The following FZD9 variants were observed in gnomAD, a reference collection of about 807,000 sequenced individuals.
FZD9 encodes the protein frizzled class receptor 9.
FZD9 carries 29 observed loss-of-function variants against 29.9 expected under a neutral mutation model. The observed-to-expected ratio is 0.97, with a 90% confidence interval of 0.72 to 1.32. FZD9 has a LOEUF of 1.32. Ranked by LOEUF, FZD9 falls within the 40% of genes most tolerant of loss-of-function variation. The pLI is 0.00. For synonymous variants in FZD9, 384 were observed against 393.9 expected, an observed-to-expected ratio of 0.97 and a Z score of 0.30; for missense variants, 822 against 857.8, an observed-to-expected ratio of 0.96 and a Z score of 0.52.
Position 73,434,622 on chromosome 7 carries a change from G to A in FZD9, c.615G>A (p.Val205=). 6.3e-7 allele frequency: 1 copy of A among 1,586,596 alleles called. No individual in the cohort carries two copies. The highest frequency in any genetic ancestry group is 8.5e-7 in the Non-Finnish European group (1 of 1,172,760). ...TCENPEKFQY[V]EKSRSCAPRC... ...AGAACCCCGAGAAGTTCCAGTACGT[G>A]GAGAAGAGCCGCTCGTGCGCACCGC... The change falls in exon 1 of 1, where the codon GTG becomes GTA. Residue 205 remains valine (V), a synonymous_variant. Transcript: ENST00000344575.
chr7:73,434,659 G>T lies in FZD9; in HGVS notation c.652G>T (p.Gly218Cys), dbSNP rs1175866183. ...CTCGTGCGCACCGCGCTGCGGGCCC[G>T]GCGTCGAGGTGTTCTGGTCCCGGCG... is the stretch of plus-strand genomic sequence containing the variant. ...SRSCAPRCGPGVEVFWSRRDK... is the reference protein window; with the variant it reads ...SRSCAPRCGPCVEVFWSRRDK... The change falls in exon 1 of 1, where the codon GGC becomes TGC. Residue 218 changes from glycine (G) to cysteine (C), a missense_variant. Gly to Cys is a radical substitution (Grantham distance 159). Coordinates refer to ENST00000344575, the MANE Select transcript of FZD9 (RefSeq NM_003508.3). 6.3e-7 allele frequency: 1 copy of T among 1,599,892 alleles called. No homozygotes were observed. The highest frequency in any genetic ancestry group is 1.7e-5 in the Admixed American group (1 of 59,956).
chr7:73,434,939 C>A lies in FZD9; in HGVS notation c.932C>A (p.Thr311Lys). Reference sequence around the variant, plus strand: ...GTGATCCAGGAGGGCCTGGAGAACACGGGCTGCACGCTGGTCTTCCTACTG... The same window carrying A: ...GTGATCCAGGAGGGCCTGGAGAACAAGGGCTGCACGCTGGTCTTCCTACTG... Reference protein sequence around the residue: ...LYVIQEGLENTGCTLVFLLLY... With the variant: ...LYVIQEGLENKGCTLVFLLLY... Residue 311 changes from threonine to lysine, a missense_variant, in exon 1 of 1, where the codon ACG becomes AAG. Thr to Lys is a moderately conservative substitution (Grantham distance 78, BLOSUM62 -1). Transcript: ENST00000344575. 6.2e-7 allele frequency: 1 copy of A among 1,613,968 alleles called. No individual in the cohort carries two copies. Among genetic ancestry groups the A allele is most frequent in the East Asian group, 2.2e-5 (1 of 44,882 alleles).
rs1396588010 is a variant in FZD9, at chr7:73,433,815, TGGC to T, written c.-189_-187del. ...GCGGCGGCTCCGGTGGCAGCGGCGG[TGGC>T]GGCTAGGCGGGCTCGGCGGCTCCTG... On this transcript the variant is annotated 5_prime_UTR_variant, in exon 1 of 1. Coordinates refer to ENST00000344575, the MANE Select transcript of FZD9 (RefSeq NM_003508.3). 3.3e-5 allele frequency: 9 copies of T among 268,818 alleles called. No individual in the cohort carries two copies. The Admixed American group carries it at 5.0e-4, about 15-fold the overall frequency. The allele number at this position is 268,818 out of a possible 1,614,324, so 16.7% of individuals were successfully genotyped here.
rs782689397 is a variant in FZD9 at position 73,434,167 on chromosome 7, C to A, written c.160C>A (p.Leu54Met). ...CATGTGCCGCGGCATCGGCTACAAC[C>A]TGACCCGCATGCCCAACCTGCTGGG... ...IPMCRGIGYNLTRMPNLLGHT... is the reference protein window; with the variant it reads ...IPMCRGIGYNMTRMPNLLGHT... The change falls in exon 1 of 1, where the codon CTG (leucine) becomes ATG (methionine). Residue 54 changes from leucine to methionine, a missense_variant. Coordinates refer to ENST00000344575, the MANE Select transcript of FZD9 (RefSeq NM_003508.3). The A allele has an allele frequency of 1.3e-6, 2 of 1,571,424 alleles. No homozygotes were observed. Among genetic ancestry groups the A allele is most frequent in the Non-Finnish European group, 1.7e-6 (2 of 1,166,176 alleles).
rs782459639 is a variant in FZD9, at chr7:73,434,901, G to C, written c.894G>C (p.Ala298=). Residue 298 remains alanine (A), a synonymous_variant, in exon 1 of 1, where the codon GCG becomes GCC. Transcript: ENST00000344575. The part of the protein sequence containing the change: ...GAQSVACDQE[A]GALYVIQEGL... ...AGAGCGTGGCCTGTGACCAGGAGGC[G>C]GGCGCGCTCTACGTGATCCAGGAGG... is the stretch of plus-strand genomic sequence containing the variant. 1 of 1,613,586 alleles carries C rather than the reference G, an allele frequency of 6.2e-7. No individual in the cohort carries two copies. Among genetic ancestry groups the C allele is most frequent in the African/African-American group, 1.3e-5 (1 of 74,934 alleles).
rs1787413282 is a variant in FZD9, at chr7:73,435,843, C to G, written c.*60C>G. 1 of 1,521,390 alleles carries G rather than the reference C, an allele frequency of 6.6e-7. No individual in the cohort carries two copies. Among genetic ancestry groups the G allele is most frequent in the African/African-American group, 1.4e-5 (1 of 72,028 alleles). 94.2% of individuals were successfully genotyped at this position (1,521,390 alleles called of 1,614,324 possible). On this transcript the variant is annotated 3_prime_UTR_variant, in exon 1 of 1. Transcript: ENST00000344575. ...CTCCTTGCCCTCCACGCCCTGCCCCCTGCATCCCCTAGAGACAGCTGACTA... is the reference window on the plus strand; with the variant it reads ...CTCCTTGCCCTCCACGCCCTGCCCCGTGCATCCCCTAGAGACAGCTGACTA...
chr7:73,435,490 A>G lies in FZD9; in HGVS notation c.1483A>G (p.Arg495Gly). 1 of 1,612,890 alleles carries G rather than the reference A, an allele frequency of 6.2e-7. No individual in the cohort carries two copies. Among genetic ancestry groups the G allele is most frequent in the Non-Finnish European group, 8.5e-7 (1 of 1,179,604 alleles). The stretch of plus-strand genomic sequence containing the variant: ...AGCGGCCGCGGGGCCCGGAGGCCGG[A>G]GGGACTGCTCGCTGCCAGGGGGCTC... Reference protein sequence around the residue: ...CAAAAGPGGRRDCSLPGGSVP... With the variant: ...CAAAAGPGGRGDCSLPGGSVP... The change falls in exon 1 of 1, where the codon AGG becomes GGG. Residue 495 changes from arginine (R) to glycine (G), a missense_variant. Coordinates refer to ENST00000344575, the MANE Select transcript of FZD9 (RefSeq NM_003508.3).
In FZD9 at chr7:73,434,960, T is replaced by C. The variant is rs1554563485; in HGVS notation, c.953T>C (p.Leu318Pro). The C allele has an allele frequency of 6.2e-7, 1 of 1,613,978 alleles. No individual in the cohort carries two copies. The highest frequency in any genetic ancestry group is 8.5e-7 in the Non-Finnish European group (1 of 1,180,030). The change falls in exon 1 of 1, where the codon CTA (leucine) becomes CCA (proline). Residue 318 changes from leucine to proline, a missense_variant. Transcript: ENST00000344575. ...AACACGGGCTGCACGCTGGTCTTCC[T>C]ACTGCTCTACTACTTCGGCATGGCC... is the stretch of plus-strand genomic sequence containing the variant. ...LENTGCTLVFLLLYYFGMASS... is the reference protein window; with the variant it reads ...LENTGCTLVFPLLYYFGMASS...
In FZD9 at chr7:73,435,642, A is replaced by G. The variant is rs781899512; in HGVS notation, c.1635A>G (p.Ile545Met). 2 of 1,613,094 alleles carry G rather than the reference A, an allele frequency of 1.2e-6. No homozygotes were observed. The highest frequency in any genetic ancestry group is 1.7e-6 in the Non-Finnish European group (2 of 1,179,842). ...QTWQSLCYRK[I>M]AAGRARAKAC... ...GGCAGAGCCTGTGCTACCGCAAGAT[A>G]GCAGCTGGCCGGGCCCGGGCCAAGG... The change falls in exon 1 of 1, where the codon ATA (isoleucine) becomes ATG (methionine). Residue 545 changes from isoleucine to methionine, a missense_variant. By Grantham distance (10) the Ile-to-Met change is conservative. Coordinates refer to ENST00000344575, the MANE Select transcript of FZD9 (RefSeq NM_003508.3).
chr7:73,433,960 C>T lies in FZD9; in HGVS notation c.-48C>T. The T allele has an allele frequency of 8.6e-7, 1 of 1,156,910 alleles. No individual in the cohort carries two copies. The highest frequency in any genetic ancestry group is 1.1e-6 in the Non-Finnish European group (1 of 940,186). The allele number at this position is 1,156,910 out of a possible 1,614,324, so 71.7% of individuals were successfully genotyped here. On this transcript the variant is annotated 5_prime_UTR_variant, in exon 1 of 1. Coordinates refer to ENST00000344575, the MANE Select transcript of FZD9 (RefSeq NM_003508.3). Reference sequence around the variant, plus strand: ...GCACCGGGGCGCGGGACCGCTGAGCCCGAGTGAGCCGGGGCCGCGCTCCCG... The same window carrying T: ...GCACCGGGGCGCGGGACCGCTGAGCTCGAGTGAGCCGGGGCCGCGCTCCCG...
At position 73,435,122 on chromosome 7, in the gene FZD9, T is replaced by C. The variant is rs111619218; in HGVS notation, c.1115T>C (p.Val372Ala). 1 of 1,611,584 alleles carries C rather than the reference T, an allele frequency of 6.2e-7. No homozygotes were observed. The highest frequency in any genetic ancestry group is 8.5e-7 in the Non-Finnish European group (1 of 1,178,998). ...AWGLPALKTI[V>A]ILTLRKVAGD... ...GGCCTGCCCGCGCTCAAGACCATCG[T>C]CATCCTGACCCTGCGCAAGGTGGCG... The change falls in exon 1 of 1, where the codon GTC (valine) becomes GCC (alanine). Residue 372 changes from valine (V) to alanine (A), a missense_variant. Coordinates refer to ENST00000344575, the MANE Select transcript of FZD9 (RefSeq NM_003508.3).
In FZD9 at chr7:73,435,438, C is replaced by A. The variant is rs782484727; in HGVS notation, c.1431C>A (p.Arg477=). Residue 477 remains arginine (R), a synonymous_variant, in exon 1 of 1, where the codon CGC becomes CGA. Coordinates refer to ENST00000344575, the MANE Select transcript of FZD9 (RefSeq NM_003508.3). The part of the protein sequence containing the change: ...VYERLNMDFW[R]LRATEQPCAA... ...AACGCCTCAACATGGACTTCTGGCG[C>A]CTTCGGGCCACAGAGCAGCCATGCG... is the stretch of plus-strand genomic sequence containing the variant. 1.9e-6 allele frequency: 3 copies of A among 1,613,650 alleles called. No homozygotes were observed. Among genetic ancestry groups the A allele is most frequent in the South Asian group, 2.2e-5 (2 of 91,090 alleles).
Position 73,434,662 on chromosome 7 carries a change from G to T in FZD9, c.655G>T (p.Val219Phe). ...RSCAPRCGPGVEVFWSRRDKD... is the reference protein window; with the variant it reads ...RSCAPRCGPGFEVFWSRRDKD... ...GTGCGCACCGCGCTGCGGGCCCGGC[G>T]TCGAGGTGTTCTGGTCCCGGCGCGA... The change falls in exon 1 of 1, where the codon GTC becomes TTC. Residue 219 changes from valine to phenylalanine, a missense_variant. Transcript: ENST00000344575. 1 of 1,600,620 alleles carries T rather than the reference G, an allele frequency of 6.2e-7. No homozygotes were observed. Among genetic ancestry groups the T allele is most frequent in the South Asian group, 1.1e-5 (1 of 91,014 alleles).
Position 73,435,933 on chromosome 7 carries a change from C to G in FZD9, c.*150C>G. The stretch of plus-strand genomic sequence containing the variant: ...GGGACTGAGGATCAGGGCGGGACCC[C>G]GTGAGGCTCATTAGGGGAGATGGGG... On this transcript the variant is annotated 3_prime_UTR_variant, in exon 1 of 1. Coordinates refer to ENST00000344575, the MANE Select transcript of FZD9 (RefSeq NM_003508.3). The G allele has an allele frequency of 9.3e-7, 1 of 1,076,788 alleles. No homozygotes were observed. Among genetic ancestry groups the G allele is most frequent in the Non-Finnish European group, 1.3e-6 (1 of 745,918 alleles). 66.7% of individuals were successfully genotyped at this position (1,076,788 alleles called of 1,614,324 possible).
Position 73,435,786 on chromosome 7 carries a change from A to C in FZD9, c.*3A>C, listed in dbSNP as rs1282290338. On this transcript the variant is annotated 3_prime_UTR_variant, in exon 1 of 1. Coordinates refer to ENST00000344575, the MANE Select transcript of FZD9 (RefSeq NM_003508.3). ...TGGAGAACCCCACACACCTCTAGCC[A>C]CACAGGCCTGGCGCGGGGTGGCTGC... 2 of 1,573,412 alleles carry C rather than the reference A, an allele frequency of 1.3e-6. No homozygotes were observed. The highest frequency in any genetic ancestry group is 1.7e-6 in the Non-Finnish European group (2 of 1,156,418).
In FZD9 at chr7:73,434,637, G is replaced by C. The variant is rs1376012216; in HGVS notation, c.630G>C (p.Ser210=). 11 of 1,595,490 alleles carry C rather than the reference G, an allele frequency of 6.9e-6. No homozygotes were observed. The highest frequency in any genetic ancestry group is 9.3e-6 in the Non-Finnish European group (11 of 1,177,242). Residue 210 remains serine, a synonymous_variant, in exon 1 of 1, where the codon TCG becomes TCC. Transcript: ENST00000344575. ...TCCAGTACGTGGAGAAGAGCCGCTC[G>C]TGCGCACCGCGCTGCGGGCCCGGCG... The part of the protein sequence containing the change: ...EKFQYVEKSR[S]CAPRCGPGVE...
chr7:73,434,410 G>A lies in FZD9; in HGVS notation c.403G>A (p.Asp135Asn). 1.3e-6 allele frequency: 2 copies of A among 1,567,620 alleles called. No individual in the cohort carries two copies. The highest frequency in any genetic ancestry group is 1.7e-6 in the Non-Finnish European group (2 of 1,165,272). ...GGAGCAGTTCAACTTCGGCTGGCCG[G>A]ACTCGCTCGACTGCGCCCGGCTGCC... ...IMEQFNFGWP[D>N]SLDCARLPTR... The change falls in exon 1 of 1, where the codon GAC (aspartate) becomes AAC (asparagine). Residue 135 changes from aspartate (D) to asparagine (N), a missense_variant. Coordinates refer to ENST00000344575, the MANE Select transcript of FZD9 (RefSeq NM_003508.3).
chr7:73,435,500 C>T lies in FZD9; in HGVS notation c.1493C>T (p.Ser498Leu), dbSNP rs1257627061. The T allele has an allele frequency of 8.1e-6, 13 of 1,612,828 alleles. No individual in the cohort carries two copies. Among genetic ancestry groups the T allele is most frequent in the Admixed American group, 1.7e-5 (1 of 59,992 alleles). The change falls in exon 1 of 1, where the codon TCG becomes TTG. Residue 498 changes from serine (S) to leucine (L), a missense_variant. Transcript: ENST00000344575. ...AAGPGGRRDC[S>L]LPGGSVPTVA... ...GGGCCCGGAGGCCGGAGGGACTGCT[C>T]GCTGCCAGGGGGCTCGGTGCCCACC...
chr7:73,434,350 T>A lies in FZD9; in HGVS notation c.343T>A (p.Cys115Ser), dbSNP rs1284798043. 6.3e-7 allele frequency: 1 copy of A among 1,581,514 alleles called. No homozygotes were observed. Among genetic ancestry groups the A allele is most frequent in the Non-Finnish European group, 8.5e-7 (1 of 1,171,376 alleles). ...STPIPACRPM[C>S]EQARLRCAPI... ...GCCCATTCCCGCCTGCCGGCCCATGTGCGAGCAGGCGCGCCTGCGCTGCGC... is the reference window on the plus strand; with the variant it reads ...GCCCATTCCCGCCTGCCGGCCCATGAGCGAGCAGGCGCGCCTGCGCTGCGC... Residue 115 changes from cysteine (C) to serine (S), a missense_variant, in exon 1 of 1, where the codon TGC (cysteine) becomes AGC (serine). By Grantham distance (112) the Cys-to-Ser change is moderately radical (BLOSUM62 -1). Transcript: ENST00000344575.
Sources: allele counts gnomAD v4.1 joint callset, GRCh38; gene constraint gnomAD v4.1.1; transcripts MANE v1.5; gene names NCBI Gene and HGNC (gene_info 2026-07-23, HGNC 2026-07-21).